Variants in DGKB observed in about 807,000 individuals in gnomAD.
DGKB encodes the protein 90 kDa diacylglycerol kinase.
In DGKB, 67 loss-of-function variants were observed where a neutral mutation model predicts 114.3. That is an observed-to-expected ratio of 0.59 (90% CI 0.48 to 0.72). The LOEUF (loss-of-function observed/expected upper bound fraction) is 0.72, where lower values mean the gene tolerates loss of function less well. Among genes scored for constraint, DGKB ranks in the 30% least tolerant of loss-of-function variants. DGKB has a pLI of 0.00. For synonymous variants in DGKB, 398 were observed against 323.1 expected (o/e 1.23, Z -2.49); for missense variants, 907 against 975.2 (o/e 0.93, Z 0.93).
At chr7:14,313,744 A>G (rs920224121) in intron 23 of DGKB, among the ~76,000 whole-genome samples, 3 of 152,126 alleles carry the variant, frequency 2.0e-5, no homozygotes, top group Non-Finnish European at 2.9e-5. Flanking sequence ...TAGGTAAACA[A>G]AGCAGCCTGG....
chr7:14,727,481 T>C (rs191718447), intron 5 of DGKB, among the ~76,000 whole-genome samples: 1 of 152,286 alleles, frequency 6.6e-6, no homozygotes, highest in Admixed American at 6.5e-5. Context: ...AATTCAATAC[T>C]ACAGAGGTAC....
intron 1 of DGKB, among the ~76,000 whole-genome samples, chr7:14,893,867 C>A (rs1006863642): frequency 5.9e-5 from 9 of 151,416 alleles, no homozygotes; most frequent in Middle Eastern, 3.4e-3. Flanking sequence ...CTGCACATAG[C>A]CCATGGTATT....
At chr7:14,893,930 T>G (rs1449874691) in intron 1 of DGKB, among the ~76,000 whole-genome samples, 1 of 151,252 alleles carries the variant, frequency 6.6e-6, no homozygotes, top group Non-Finnish European at 1.5e-5. Context: ...CTCCATAATG[T>G]CAAAATCGGG....
chr7:14,903,145 A>T (rs1347381778), upstream of DGKB: 1 of 151,638 alleles, frequency 6.6e-6, no homozygotes, highest in East Asian at 1.9e-4. Flanking sequence ...TCCATGACTA[A>T]CGCTCTTCTT....
chr7:14,177,453 G>A (rs904106282), intron 24 of DGKB, among the ~76,000 whole-genome samples: 1 of 150,664 alleles, frequency 6.6e-6, no homozygotes, highest in African/African-American at 2.4e-5. Context: ...ATACTCGGGA[G>A]GATGAGGCAG....
intron 2 of DGKB, among the ~76,000 whole-genome samples, chr7:14,814,941 ATTTT>A (rs1843909268): frequency 6.6e-6 from 1 of 152,138 alleles, no homozygotes; most frequent in Admixed American, 6.5e-5. Flanking sequence ...TTATTCTGGC[ATTTT>A]AATTACAGCA....
intron 5 of DGKB, among the ~76,000 whole-genome samples, chr7:14,733,068 T>C (rs536392674): frequency 6.6e-6 from 1 of 152,320 alleles, no homozygotes; most frequent in East Asian, 1.9e-4. Flanking sequence ...ATTTATAGCA[T>C]GCAGCAGAGA....
chr7:14,459,635 C>T (rs1328282242), intron 21 of DGKB, among the ~76,000 whole-genome samples: 1 of 152,156 alleles, frequency 6.6e-6, no homozygotes, highest in Non-Finnish European at 1.5e-5. Flanking sequence ...GAATGGTGTA[C>T]ATGAAAGTGA....
At chr7:14,772,631 T>C (rs1837584485) in intron 2 of DGKB, among the ~76,000 whole-genome samples, 1 of 152,112 alleles carries the variant, frequency 6.6e-6, no homozygotes, top group African/African-American at 2.4e-5. Context: ...ATGACATGAA[T>C]GCATCACACA....
At chr7:14,288,169 CCTGAA>C (rs1461295114) in intron 23 of DGKB, among the ~76,000 whole-genome samples, 1 of 147,382 alleles carries the variant, frequency 6.8e-6, no homozygotes, top group Non-Finnish European at 1.5e-5. Context: ...CTTTGAACTA[CCTGAA>C]CTGATCAGGC....
At chr7:14,443,884 A>G (rs1188174392) in intron 21 of DGKB, among the ~76,000 whole-genome samples, 2 of 151,568 alleles carry the variant, frequency 1.3e-5, no homozygotes, top group African/African-American at 2.4e-5. Context: ...TAGCTCTCTC[A>G]CCTTCTATTT....
chr7:14,895,877 G>A (rs1022361906), intron 1 of DGKB, among the ~76,000 whole-genome samples: 3 of 151,616 alleles, frequency 2.0e-5, no homozygotes, highest in Admixed American at 1.3e-4. Flanking sequence ...TTTCATTAAG[G>A]AACCAACAAA....
chr7:14,294,769 C>G (rs943461943), intron 23 of DGKB, among the ~76,000 whole-genome samples: 3 of 152,034 alleles, frequency 2.0e-5, no homozygotes, highest in African/African-American at 7.2e-5. Context: ...TATGGGATGG[C>G]CCTGGGGATA....
At chr7:14,961,989 T>G (rs1392914757) in intron 1 of DGKB, among the ~76,000 whole-genome samples, 3 of 152,106 alleles carry the variant, frequency 2.0e-5, no homozygotes, top group Non-Finnish European at 4.4e-5. Flanking sequence ...TAAAAACATG[T>G]CCTCTCAGCC....
intron 1 of DGKB, among the ~76,000 whole-genome samples, chr7:14,842,127 T>C (rs1848024964): frequency 6.6e-6 from 1 of 152,220 alleles, no homozygotes; most frequent in South Asian, 2.1e-4. Context: ...TATAATCAAT[T>C]GCTCAATAAT....
At chr7:14,695,494 C>CTCTCTTTTTTT (rs1823671843) in intron 8 of DGKB, among the ~76,000 whole-genome samples, 1 of 75,156 alleles carries the variant, frequency 1.3e-5, no homozygotes, top group African/African-American at 5.9e-5. Flanking sequence ...CTCTCTCTCT[C>CTCTCTTTTTTT]TTTTTTTTTT....
chr7:14,266,275 C>A (rs1797506329), intron 23 of DGKB, among the ~76,000 whole-genome samples: 1 of 152,262 alleles, frequency 6.6e-6, no homozygotes, highest in African/African-American at 2.4e-5. Context: ...CAAACTATGA[C>A]ATTTTGCATC....
chr7:14,717,312 A>G (rs528567228), intron 6 of DGKB, among the ~76,000 whole-genome samples: 4 of 152,212 alleles, frequency 2.6e-5, no homozygotes, highest in Admixed American at 6.5e-5. Flanking sequence ...TTGTCTTTAT[A>G]TGTTTATAAT....
chr7:14,754,175 C>T (rs150411440), intron 3 of DGKB, among the ~76,000 whole-genome samples: 200 of 152,186 alleles, frequency 1.3e-3, no homozygotes, highest in African/African-American at 4.5e-3. Context: ...AACACTGAAT[C>T]TAAAACTGCG....
Sources: gnomAD v4.1 joint callset for allele counts (sites outside exome capture counted in the v4.1 genomes callset) on GRCh38, gnomAD v4.1.1 for gene constraint, MANE v1.5 for transcripts, NCBI Gene and HGNC (gene_info 2026-07-23, HGNC 2026-07-21) for gene names.